The following TTC9C variants were observed in gnomAD, a reference collection of about 807,000 sequenced individuals.
The protein encoded by TTC9C is tetratricopeptide repeat protein 9C.
In TTC9C, 15 loss-of-function variants were observed where a neutral mutation model predicts 22.5. That is an observed-to-expected ratio of 0.67 (90% CI 0.45 to 1.03). The LOEUF (loss-of-function observed/expected upper bound fraction) is 1.03, where lower values mean the gene tolerates loss of function less well. Ranked by LOEUF, TTC9C falls within the 50% of genes least tolerant of loss-of-function variation. TTC9C has a pLI of 0.00. For missense variants in TTC9C, 244 were observed against 214.6 expected, an observed-to-expected ratio of 1.14 and a Z score of -0.86; for synonymous variants, 92 against 86.8, an observed-to-expected ratio of 1.06 and a Z score of -0.33.
chr11:62,734,714 C>A (rs2083890865), intron 1 of TTC9C, among the ~76,000 whole-genome samples: 1 of 152,104 alleles, frequency 6.6e-6, no homozygotes, highest in Admixed American at 6.6e-5. Context: ...AACTCCTGGG[C>A]TCAAGCAAAT....
At chr11:62,732,495 A>G (rs1207234797) in intron 1 of TTC9C, among the ~76,000 whole-genome samples, 1 of 152,036 alleles carries the variant, frequency 6.6e-6, no homozygotes, top group Non-Finnish European at 1.5e-5. Context: ...CTGTAATCGC[A>G]TCTACTAGGG....
intron 1 of TTC9C, among the ~76,000 whole-genome samples, chr11:62,734,483 G>A (rs552600982): frequency 2.8e-4 from 42 of 152,234 alleles, no homozygotes; most frequent in Non-Finnish European, 5.0e-4. Flanking sequence ...AGCTACTCGG[G>A]AGGCTGAGGC....
intron 1 of TTC9C, among the ~76,000 whole-genome samples, chr11:62,729,747 T>C (rs2083824792): frequency 6.6e-6 from 1 of 152,004 alleles, no homozygotes; most frequent in African/African-American, 2.4e-5. Context: ...AGCTAATTTT[T>C]GTATTTTTAG....
At chr11:62,733,609 ATTTTT>A (rs941379562) in intron 1 of TTC9C, among the ~76,000 whole-genome samples, 5 of 147,580 alleles carry the variant, frequency 3.4e-5, no homozygotes, top group Admixed American at 2.0e-4. Context: ...AATTTATCTA[ATTTTT>A]TTTTTTTAAG....
At chr11:62,735,015 C>T (rs1263790466) in intron 1 of TTC9C, among the ~76,000 whole-genome samples, 1 of 152,136 alleles carries the variant, frequency 6.6e-6, no homozygotes, top group Non-Finnish European at 1.5e-5. Flanking sequence ...TCTTGCCTCA[C>T]CCTCCCGAGT....
Position 62,738,432 on chromosome 11 carries a change from T to C in TTC9C, c.*50T>C, listed in dbSNP as rs1370816165. On this transcript the variant is annotated 3_prime_UTR_variant, in exon 3 of 3. Coordinates refer to ENST00000316461, the MANE Select transcript of TTC9C (RefSeq NM_173810.4). ...TTGAACTTAGGTGGACCATTAAACATGCATGAAGGAGAAATCTGAGCCTCA... is the reference window on the plus strand; with the variant it reads ...TTGAACTTAGGTGGACCATTAAACACGCATGAAGGAGAAATCTGAGCCTCA... 1.6e-6 allele frequency: 2 copies of C among 1,279,304 alleles called. No individual in the cohort carries two copies. Among genetic ancestry groups the C allele is most frequent in the Non-Finnish European group, 2.2e-6 (2 of 890,564 alleles). The allele number at this position is 1,279,304 out of a possible 1,614,324, so 79.2% of individuals were successfully genotyped here.
chr11:62,730,391 T>C (rs1185320504), intron 1 of TTC9C, among the ~76,000 whole-genome samples: 3 of 152,032 alleles, frequency 2.0e-5, no homozygotes, highest in Non-Finnish European at 4.4e-5. Flanking sequence ...TTTTTATTTA[T>C]TGAGTGCCTA....
chr11:62,728,745 C>G lies in TTC9C; in HGVS notation c.-104C>G. The G allele has an allele frequency of 8.7e-7, 1 of 1,146,108 alleles. No individual in the cohort carries two copies. Among genetic ancestry groups the G allele is most frequent in the Non-Finnish European group, 1.3e-6 (1 of 773,232 alleles). 71.0% of individuals were successfully genotyped at this position (1,146,108 alleles called of 1,614,324 possible). On this transcript the variant is annotated 5_prime_UTR_variant, in exon 1 of 3. Coordinates refer to ENST00000316461, the MANE Select transcript of TTC9C (RefSeq NM_173810.4). ...ACTCTCCAGGAAGAAGGGTAATTTC[C>G]TGCCTCCTTAAATTGGCTGCTACTG...
At chr11:62,729,361 ATTTC>A (rs2083816017) in intron 1 of TTC9C, among the ~76,000 whole-genome samples, 1 of 146,260 alleles carries the variant, frequency 6.8e-6, no homozygotes, top group East Asian at 2.0e-4. Context: ...ATCAGTTTGC[ATTTC>A]TTTATTTTTT....
rs547451102 is a variant in TTC9C, at chr11:62,734,614, C to T, written c.239-768C>T. On this transcript the variant is annotated intron_variant, in intron 1 of 2. Coordinates refer to ENST00000316461, the MANE Select transcript of TTC9C (RefSeq NM_173810.4). ...ATAAAAAAAGAATACATTTGTTATT[C>T]GGAATACACTTCTTATAACACTGCA... is the stretch of plus-strand genomic sequence containing the variant. Among the ~76,000 whole-genome samples the T allele has an allele frequency of 4.6e-5, 7 of 151,840 alleles. No individual in the cohort carries two copies. In the East Asian group the frequency reaches 7.8e-4, roughly 17 times the overall value.
In TTC9C at chr11:62,735,444, C is replaced by T; in HGVS notation, c.301C>T (p.Leu101=). ...AGTGAGAGAATATAGTCAGAAAGTC[C>T]TGGAACGACAGCCTGATAATGCCAA... The part of the protein sequence containing the change: ...ERVREYSQKV[L]ERQPDNAKAL... The change falls in exon 2 of 3, where the codon CTG becomes TTG. Residue 101 remains leucine (L), a synonymous_variant. Coordinates refer to ENST00000316461, the MANE Select transcript of TTC9C (RefSeq NM_173810.4). 1 of 1,614,124 alleles carries T rather than the reference C, an allele frequency of 6.2e-7. No individual in the cohort carries two copies. Among genetic ancestry groups the T allele is most frequent in the Non-Finnish European group, 8.5e-7 (1 of 1,180,020 alleles).
At chr11:62,736,108 ATG>A (rs558422609) in intron 2 of TTC9C, 2 of 145,534 alleles carry the variant, frequency 1.4e-5, no homozygotes, top group African/African-American at 5.3e-5. Flanking sequence ...ATGGTGGCGC[ATG>A]CCTGTAAACC....
intron 2 of TTC9C, among the ~76,000 whole-genome samples, chr11:62,736,398 A>G (rs1283006661): frequency 6.6e-6 from 1 of 151,670 alleles, no homozygotes; most frequent in East Asian, 1.9e-4. Context: ...AAAAATACAA[A>G]AATCAGCCGG....
chr11:62,735,016 C>T (rs1308247410), intron 1 of TTC9C, among the ~76,000 whole-genome samples: 2 of 152,200 alleles, frequency 1.3e-5, no homozygotes, highest in East Asian at 3.8e-4. Context: ...CTTGCCTCAC[C>T]CTCCCGAGTA....
In TTC9C at chr11:62,735,340, G is replaced by A. The variant is rs369556272; in HGVS notation, c.239-42G>A. ...GCTGGCCAGTGGAACCTGGTGTAAC[G>A]AGCCCCTCCTACCTCTTCTCTCTTT... On this transcript the variant is annotated intron_variant, in intron 1 of 2. Coordinates refer to ENST00000316461, the MANE Select transcript of TTC9C (RefSeq NM_173810.4). The A allele has an allele frequency of 1.1e-5, 18 of 1,601,990 alleles. No homozygotes were observed. The Admixed American group carries it at 1.2e-4, about 11-fold the overall frequency.
At position 62,738,479 on chromosome 11, in the gene TTC9C, C is replaced by G. The variant is rs1025852376; in HGVS notation, c.*97C>G. On this transcript the variant is annotated 3_prime_UTR_variant, in exon 3 of 3. Transcript: ENST00000316461. ...CTCAGCAAGAGAAATTAACCCTATA[C>G]CTCTGACCCAGGTGGATTTTTGTTT... The G allele has an allele frequency of 1.2e-6, 1 of 804,014 alleles. No individual in the cohort carries two copies. Among genetic ancestry groups the G allele is most frequent in the Non-Finnish European group, 2.0e-6 (1 of 501,084 alleles). 49.8% of individuals were successfully genotyped at this position (804,014 alleles called of 1,614,324 possible). A position where few individuals can be genotyped will look rare whatever the true frequency, so the allele number is the denominator to read the frequency against.
In TTC9C at chr11:62,728,900, C is replaced by A. The variant is rs772717804; in HGVS notation, c.52C>A (p.Arg18Ser). Residue 18 changes from arginine (R) to serine (S), a missense_variant, in exon 1 of 3, where the codon CGC (arginine) becomes AGC (serine). Physicochemically the swap from Arg to Ser is moderately radical, Grantham distance 110. Coordinates refer to ENST00000316461, the MANE Select transcript of TTC9C (RefSeq NM_173810.4). ...GCTGTACAAGGAGGAAGGGAACCAG[C>A]GCTACCGGGAAGGGAAGTACCGAGA... ...AQLYKEEGNQRYREGKYRDAV... is the reference protein window; with the variant it reads ...AQLYKEEGNQSYREGKYRDAV... 6.2e-7 allele frequency: 1 copy of A among 1,614,138 alleles called. No individual in the cohort carries two copies. The highest frequency in any genetic ancestry group is 8.5e-7 in the Non-Finnish European group (1 of 1,180,030).
In TTC9C at chr11:62,738,042, T is replaced by A. The variant is rs1231985671; in HGVS notation, c.422-246T>A. Among the ~76,000 whole-genome samples, 3 of 151,450 alleles carry A rather than the reference T, an allele frequency of 2.0e-5. No homozygotes were observed. In the East Asian group the frequency reaches 5.8e-4, roughly 29 times the overall value. On this transcript the variant is annotated intron_variant, in intron 2 of 2. Coordinates refer to ENST00000316461, the MANE Select transcript of TTC9C (RefSeq NM_173810.4). ...AGCGAGACCCTGTCTCAAAAGTAAG[T>A]AAATAAATAAAATAAATAAATAAAT...
chr11:62,734,400 G>A (rs576662077), intron 1 of TTC9C, among the ~76,000 whole-genome samples: 1 of 151,990 alleles, frequency 6.6e-6, no homozygotes, highest in African/African-American at 2.4e-5. Flanking sequence ...AGGAGTTTGA[G>A]AACAGCCTGG....
Sources: gnomAD v4.1 joint callset for allele counts (sites outside exome capture counted in the v4.1 genomes callset) on GRCh38, gnomAD v4.1.1 for gene constraint, MANE v1.5 for transcripts, NCBI Gene and HGNC (gene_info 2026-07-23, HGNC 2026-07-21) for gene names.